Variants in GRM5 observed in about 807,000 individuals in gnomAD.
GRM5 encodes metabotropic glutamate receptor 5.
GRM5 carries 19 observed loss-of-function variants against 83.1 expected under a neutral mutation model. That is an observed-to-expected ratio of 0.23 (90% CI 0.16 to 0.34). The LOEUF (loss-of-function observed/expected upper bound fraction) is 0.34, where lower values mean the gene tolerates loss of function less well. Ranked by LOEUF, GRM5 falls within the 10% of genes least tolerant of loss-of-function variation. The probability of loss-of-function intolerance (pLI) is 1.00; values close to 1 mark genes in which losing one functional copy is unlikely to be tolerated. For synonymous variants in GRM5, 675 were observed against 633.6 expected (o/e 1.07, Z -0.98); for missense variants, 1,160 against 1,588.3 (o/e 0.73, Z 4.58).
At chr11:88,900,620 C>A (rs1945298630) in intron 2 of GRM5, among the ~76,000 whole-genome samples, 1 of 152,066 alleles carries the variant, frequency 6.6e-6, no homozygotes, top group Non-Finnish European at 1.5e-5. Context: ...GTATGGAACT[C>A]ATATTAATTG....
intron 3 of GRM5, among the ~76,000 whole-genome samples, chr11:88,658,266 A>G (rs2135313698): frequency 6.6e-6 from 1 of 152,236 alleles, no homozygotes; most frequent in Admixed American, 6.5e-5. Context: ...GCTGTTGTAG[A>G]AGGAAAAACA....
At chr11:88,618,625 A>G (rs1938549382) in intron 4 of GRM5, among the ~76,000 whole-genome samples, 1 of 151,774 alleles carries the variant, frequency 6.6e-6, no homozygotes, top group Non-Finnish European at 1.5e-5. Context: ...AAAACGATTC[A>G]ACATATAAGT....
chr11:88,840,430 G>A (rs896328903), intron 3 of GRM5, among the ~76,000 whole-genome samples: 11 of 152,076 alleles, frequency 7.2e-5, no homozygotes, highest in Non-Finnish European at 1.0e-4. Context: ...ATGTCTGTTA[G>A]CTCTTGAATT....
chr11:89,046,940 A>G (rs1442518155), intron 2 of GRM5, among the ~76,000 whole-genome samples: 1 of 152,244 alleles, frequency 6.6e-6, no homozygotes, highest in Non-Finnish European at 1.5e-5. Context: ...GAGTAGAAGT[A>G]TAATATAGCA....
At chr11:89,058,260 C>T (rs1941917916) in intron 1 of GRM5, among the ~76,000 whole-genome samples, 1 of 152,178 alleles carries the variant, frequency 6.6e-6, no homozygotes, top group South Asian at 2.1e-4. Flanking sequence ...AAGGGTTTCT[C>T]AACCTGAGCA....
intron 2 of GRM5, among the ~76,000 whole-genome samples, chr11:88,978,022 G>A (rs2135017513): frequency 6.6e-6 from 1 of 152,150 alleles, no homozygotes; most frequent in East Asian, 1.9e-4. Context: ...ACTTTATTGG[G>A]TATCATATAG....
chr11:88,662,670 A>T (rs945160265), intron 3 of GRM5, among the ~76,000 whole-genome samples: 1 of 152,162 alleles, frequency 6.6e-6, no homozygotes, highest in Non-Finnish European at 1.5e-5. Context: ...TAAAAAAAAG[A>T]TTCAAATGAG....
intron 3 of GRM5, among the ~76,000 whole-genome samples, chr11:88,766,424 A>G (rs1204088606): frequency 1.3e-5 from 2 of 151,884 alleles, no homozygotes; most frequent in Admixed American, 1.3e-4. Context: ...CTATCAGATC[A>G]TTGACAAACC....
intron 3 of GRM5, among the ~76,000 whole-genome samples, chr11:88,799,564 A>G (rs1277274065): frequency 6.6e-6 from 1 of 152,112 alleles, no homozygotes. Flanking sequence ...AATGAAATAA[A>G]TAATACAAAG....
intron 8 of GRM5, among the ~76,000 whole-genome samples, chr11:88,538,256 C>T (rs1195548861): frequency 1.3e-5 from 2 of 152,132 alleles, no homozygotes; most frequent in African/African-American, 4.8e-5. Context: ...TATTTTAATC[C>T]TACTTATGAT....
chr11:88,645,613 T>A (rs957297175), intron 4 of GRM5, among the ~76,000 whole-genome samples: 1 of 152,096 alleles, frequency 6.6e-6, no homozygotes, highest in African/African-American at 2.4e-5. Flanking sequence ...GAACCAAGGA[T>A]GATCTTTAAG....
At chr11:88,825,690 A>G (rs916135364) in intron 3 of GRM5, among the ~76,000 whole-genome samples, 3 of 152,202 alleles carry the variant, frequency 2.0e-5, no homozygotes, top group Non-Finnish European at 4.4e-5. Flanking sequence ...GACAAGCTGG[A>G]CTCAAATGAT....
At chr11:89,058,035 T>A (rs1281072679) in intron 1 of GRM5, among the ~76,000 whole-genome samples, 1 of 152,006 alleles carries the variant, frequency 6.6e-6, no homozygotes, top group East Asian at 1.9e-4. Flanking sequence ...CCAACTATAT[T>A]TGGCTCCAAA....
chr11:88,673,073 A>G (rs1591430822), intron 3 of GRM5, among the ~76,000 whole-genome samples: 7 of 152,000 alleles, frequency 4.6e-5, no homozygotes, highest in Admixed American at 4.6e-4. Context: ...TAATTTTCAC[A>G]GAAATTTAAA....
In GRM5 at chr11:88,907,249, A is replaced by G. The variant is rs531472153; in HGVS notation, c.662-57094T>C. ...GCCCTGTGGATGTTAGCTAGTAGCGATCATCACTGAGTTTTCCTGAAAGCC... is the reference window on the plus strand; with the variant it reads ...GCCCTGTGGATGTTAGCTAGTAGCGGTCATCACTGAGTTTTCCTGAAAGCC... On this transcript the variant is annotated intron_variant, in intron 2 of 9. Coordinates refer to ENST00000305447, the MANE Select transcript of GRM5 (RefSeq NM_001143831.3). Among the ~76,000 whole-genome samples the G allele has an allele frequency of 3.3e-5, 5 of 152,224 alleles. No individual in the cohort carries two copies. In the East Asian group the frequency reaches 9.7e-4, roughly 29 times the overall value.
chr11:88,574,410 G>C (rs1489920327), intron 7 of GRM5, among the ~76,000 whole-genome samples: 1 of 151,986 alleles, frequency 6.6e-6, no homozygotes, highest in Non-Finnish European at 1.5e-5. Context: ...CCCAAAGAGG[G>C]CAAAACTAGA....
intron 8 of GRM5, among the ~76,000 whole-genome samples, chr11:88,553,706 A>G (rs193297485): frequency 1.3e-5 from 2 of 152,312 alleles, no homozygotes; most frequent in Admixed American, 1.3e-4. Flanking sequence ...TTACCACGAC[A>G]GTGATTTACT....
At chr11:88,600,049 T>C (rs1280800217) in intron 5 of GRM5, among the ~76,000 whole-genome samples, 3 of 152,148 alleles carry the variant, frequency 2.0e-5, no homozygotes, top group Non-Finnish European at 4.4e-5. Flanking sequence ...TTCAGTGTGC[T>C]CTTTGTTTTT....
At chr11:88,625,238 G>A (rs1938760184) in intron 4 of GRM5, among the ~76,000 whole-genome samples, 1 of 151,980 alleles carries the variant, frequency 6.6e-6, no homozygotes, top group Admixed American at 6.6e-5. Context: ...CAGAGAACAG[G>A]GAACAAAATG....
Sources: allele counts gnomAD v4.1 joint callset (sites outside exome capture counted in the v4.1 genomes callset), GRCh38; gene constraint gnomAD v4.1.1; transcripts MANE v1.5; gene names NCBI Gene and HGNC (gene_info 2026-07-23, HGNC 2026-07-21).